CLOCK: variants seen among roughly 807,000 people sequenced by gnomAD.
The protein encoded by CLOCK is clock circadian regulator, also known as circadian locomoter output cycles protein kaput.
A neutral mutation model predicts 118.4 loss-of-function variants in CLOCK; 43 were observed. That is an observed-to-expected ratio of 0.36 (90% CI 0.28 to 0.47). CLOCK has a LOEUF of 0.47. Ranked by LOEUF, CLOCK falls within the 20% of genes least tolerant of loss-of-function variation. CLOCK has a pLI of 1.00. For synonymous variants in CLOCK, 326 were observed against 339.2 expected, an observed-to-expected ratio of 0.96 and a Z score of 0.43; for missense variants, 846 against 999.9, an observed-to-expected ratio of 0.85 and a Z score of 2.08.
intron 8 of CLOCK, among the ~76,000 whole-genome samples, chr4:55,464,952 CT>C (rs1206488493): frequency 9.8e-5 from 15 of 152,322 alleles, no homozygotes; most frequent in South Asian, 2.1e-4. Flanking sequence ...ACCTTCCCCC[CT>C]CTCTACATAT....
chr4:55,513,223 A>G (rs2110034119), intron 1 of CLOCK, among the ~76,000 whole-genome samples: 1 of 152,214 alleles, frequency 6.6e-6, no homozygotes, highest in Middle Eastern at 3.4e-3. Flanking sequence ...TTCTACATTC[A>G]GATACACAAA....
intron 18 of CLOCK, among the ~76,000 whole-genome samples, 174 bp downstream of exon 18, chr4:55,448,597 CGCGCGTGT>C (rs1463196475): frequency 2.3e-4 from 17 of 72,918 alleles, no homozygotes; most frequent in African/African-American, 4.1e-4. Context: ...CGCGCGCACG[CGCGCGTGT>C]GTGTGTGTGT....
In CLOCK at chr4:55,449,403, C is replaced by G; in HGVS notation, c.1442G>C (p.Ser481Thr). The change falls in exon 17 of 23, where the codon AGT (serine) becomes ACT (threonine). Residue 481 changes from serine to threonine, a missense_variant. By Grantham distance (58) the Ser-to-Thr change is moderately conservative. Coordinates refer to ENST00000513440, the MANE Select transcript of CLOCK (RefSeq NM_004898.4). ...ATCCACTAAAGAGCTTACCTGACTA[C>G]TAAATGATGACCTTCTTTGCACCAT... The part of the protein sequence containing the change: ...EKMVQRRSSF[S>T]SQSINSQSVG... 1 of 1,613,450 alleles carries G rather than the reference C, an allele frequency of 6.2e-7. No individual in the cohort carries two copies. Among genetic ancestry groups the G allele is most frequent in the Admixed American group, 1.7e-5 (1 of 60,016 alleles).
intron 2 of CLOCK, among the ~76,000 whole-genome samples, chr4:55,503,978 T>TAAAAAAA (rs60471915): frequency 2.4e-4 from 17 of 71,140 alleles, no homozygotes; most frequent in Non-Finnish European, 3.0e-4. Context: ...CAAAAAGAGG[T>TAAAAAAA]AAAAAAAAAA....
intron 2 of CLOCK, among the ~76,000 whole-genome samples, chr4:55,508,052 A>G (rs1728920060): frequency 6.6e-6 from 1 of 152,358 alleles, no homozygotes; most frequent in East Asian, 1.9e-4. Context: ...GGTAAACACA[A>G]AAATTATGGT....
At chr4:55,437,594 C>CATGT (rs1269533761) in intron 22 of CLOCK, among the ~76,000 whole-genome samples, 1 of 152,192 alleles carries the variant, frequency 6.6e-6, no homozygotes, top group Non-Finnish European at 1.5e-5. Flanking sequence ...AACAGCTAGC[C>CATGT]ATGTGCCTTG....
rs139225438 is a variant in CLOCK, at chr4:55,446,031, A to C, written c.1540-1246T>G. 6.5e-3 allele frequency among the ~76,000 whole-genome samples: 986 copies of C among 151,374 alleles called. 16 individuals carry two copies. Among genetic ancestry groups the C allele is most frequent in the African/African-American group, 0.022 (916 of 41,186 alleles). Reference sequence around the variant, plus strand: ...TCTGACTGGATACTTGACTGATTACACATACACCCTGGATTTACAAGACCT... The same window carrying C: ...TCTGACTGGATACTTGACTGATTACCCATACACCCTGGATTTACAAGACCT... On this transcript the variant is annotated intron_variant, in intron 18 of 22. Coordinates refer to ENST00000513440, the MANE Select transcript of CLOCK (RefSeq NM_004898.4).
At chr4:55,449,373 A>G (rs758873462) in intron 17 of CLOCK, 23 bp downstream of exon 17, 1 of 1,569,778 alleles carries the variant, frequency 6.4e-7, no homozygotes, top group East Asian at 2.2e-5. Context: ...TTTATTCAGA[A>G]GAATATCCAC....
intron 8 of CLOCK, among the ~76,000 whole-genome samples, chr4:55,466,881 A>G (rs1029339712): frequency 2.0e-5 from 3 of 152,214 alleles, no homozygotes; most frequent in African/African-American, 7.2e-5. Context: ...CGTTTCATGA[A>G]AAGGAAATAT....
intron 1 of CLOCK, among the ~76,000 whole-genome samples, chr4:55,517,268 T>C (rs1256539484): frequency 6.6e-6 from 1 of 152,174 alleles, no homozygotes; most frequent in Non-Finnish European, 1.5e-5. Context: ...CCCAGCACTT[T>C]GGGAGGCCGA....
chr4:55,457,828 C>A (rs544490772), intron 11 of CLOCK, among the ~76,000 whole-genome samples: 1 of 152,254 alleles, frequency 6.6e-6, no homozygotes, highest in South Asian at 2.1e-4. Flanking sequence ...TCACTAATAG[C>A]TGAGACTTTG....
rs868755591 is a variant in CLOCK at position 55,428,591 on chromosome 4, G to A, written c.*6824C>T. On this transcript the variant is annotated 3_prime_UTR_variant, in exon 23 of 23. Coordinates refer to ENST00000513440, the MANE Select transcript of CLOCK (RefSeq NM_004898.4). ...ATTCTTATCTCAAGATCAATTAGCC[G>A]TTTTTAGCTCCACCGTTTTGGAAGT... The A allele has an allele frequency of 1.1e-4, 16 of 152,082 alleles. No individual in the cohort carries two copies. Among genetic ancestry groups the A allele is most frequent in the Non-Finnish European group, 1.9e-4 (13 of 68,020 alleles). The allele number at this position is 152,082 out of a possible 1,614,324, so 9.4% of individuals were successfully genotyped here. A position where few individuals can be genotyped will look rare whatever the true frequency, so the allele number is the denominator to read the frequency against.
intron 8 of CLOCK, among the ~76,000 whole-genome samples, chr4:55,466,237 G>T (rs532274165): frequency 6.6e-6 from 1 of 152,152 alleles, no homozygotes; most frequent in South Asian, 2.1e-4. Flanking sequence ...TTTGTAAGGG[G>T]CTTTTCCCCT....
chr4:55,544,770 C>T (rs55869433), intron 1 of CLOCK, among the ~76,000 whole-genome samples: 24,761 of 152,048 alleles, frequency 0.16, 2,533 homozygotes, highest in Non-Finnish European at 0.21. Context: ...CATCTCATTT[C>T]CCACCATTCC....
At chr4:55,526,719 T>C (rs1208382585) in intron 1 of CLOCK, among the ~76,000 whole-genome samples, 1 of 151,386 alleles carries the variant, frequency 6.6e-6, no homozygotes, top group Admixed American at 6.6e-5. Context: ...GAGGTCGAGG[T>C]GGTCAGTTCA....
At chr4:55,447,591 A>G (rs1021616875) in intron 18 of CLOCK, among the ~76,000 whole-genome samples, 8 of 152,310 alleles carry the variant, frequency 5.3e-5, no homozygotes, top group African/African-American at 1.9e-4. Context: ...AAAATGTGAG[A>G]CATGAATGCT....
chr4:55,503,580 G>C (rs897485674), intron 2 of CLOCK, among the ~76,000 whole-genome samples: 1 of 152,082 alleles, frequency 6.6e-6, no homozygotes, highest in African/African-American at 2.4e-5. Context: ...TTTATAATAT[G>C]TGTGTTATAA....
At position 55,427,903 on chromosome 4, in the gene CLOCK, T is replaced by TTGA. The variant is rs1214999681; in HGVS notation, c.*7509_*7511dup. On this transcript the variant is annotated 3_prime_UTR_variant, in exon 23 of 23. Transcript: ENST00000513440. The stretch of plus-strand genomic sequence containing the variant: ...TTGAATAAAAGAAAGGGAAATGTCA[T>TTGA]TGATAGTGATCTTAAAATATTTAAT... 1.3e-5 allele frequency: 2 copies of TTGA among 152,246 alleles called. No homozygotes were observed. The highest frequency in any genetic ancestry group is 2.4e-5 in the African/African-American group (1 of 41,466). 9.4% of individuals were successfully genotyped at this position (152,246 alleles called of 1,614,324 possible). A position where few individuals can be genotyped will look rare whatever the true frequency, so the allele number is the denominator to read the frequency against.
intron 1 of CLOCK, among the ~76,000 whole-genome samples, chr4:55,532,104 T>C (rs749560209): frequency 6.6e-6 from 1 of 152,086 alleles, no homozygotes; most frequent in African/African-American, 2.4e-5. Context: ...ACAAATGCAT[T>C]TGACAAAATT....
Sources: allele counts gnomAD v4.1 joint callset (sites outside exome capture counted in the v4.1 genomes callset), GRCh38; gene constraint gnomAD v4.1.1; transcripts MANE v1.5; gene names NCBI Gene and HGNC (gene_info 2026-07-23, HGNC 2026-07-21).